The following RGL3 variants were observed in gnomAD, a reference collection of about 807,000 sequenced individuals.
RGL3 encodes ral guanine nucleotide dissociation stimulator like 3.
A neutral mutation model predicts 90.6 loss-of-function variants in RGL3; 85 were observed. The observed-to-expected ratio is 0.94, with a 90% CI of 0.79 to 1.12. The LOEUF is 1.12. RGL3 is among the 50% of genes most tolerant of loss of function. RGL3 has a pLI of 0.00. For synonymous variants in RGL3, 408 were observed against 385.5 expected (o/e 1.06, Z -0.68); for missense variants, 1,034 against 939.2 (o/e 1.10, Z -1.32).
Position 11,397,369 on chromosome 19 carries a change from G to T in RGL3, c.1900-11C>A, listed in dbSNP as rs1354170510. Reference sequence around the variant, plus strand: ...GTCCTGACTGGTCAGCTGGAAGAGAGGGGCGGGAGGTGAGGTGAGGGCCCC... The same window carrying T: ...GTCCTGACTGGTCAGCTGGAAGAGATGGGCGGGAGGTGAGGTGAGGGCCCC... On this transcript the variant is annotated splice_polypyrimidine_tract_variant and intron_variant, in intron 17 of 18. Coordinates refer to ENST00000380456, the MANE Select transcript of RGL3 (RefSeq NM_001035223.4). 2 of 1,593,596 alleles carry T rather than the reference G, an allele frequency of 1.3e-6. No homozygotes were observed. Among genetic ancestry groups the T allele is most frequent in the South Asian group, 2.3e-5 (2 of 87,564 alleles).
chr19:11,404,797 G>C (rs564164311), intron 9 of RGL3, among the ~76,000 whole-genome samples: 1 of 152,254 alleles, frequency 6.6e-6, no homozygotes, highest in African/African-American at 2.4e-5. Context: ...CTATAAATAA[G>C]CCAGACTTTT....
chr19:11,401,933 G>A lies in RGL3; in HGVS notation c.1484+78C>T, dbSNP rs940028939. 2.7e-6 allele frequency: 4 copies of A among 1,492,754 alleles called. No homozygotes were observed. The South Asian group carries it at 5.4e-5, about 20-fold the overall frequency. The allele number at this position is 1,492,754 out of a possible 1,614,324, so 92.5% of individuals were successfully genotyped here. ...GGGGGTCTTGGGAGGAGCTGGAGGT[G>A]TGTATGGAGTGGGTGGAATCCAGTT... On this transcript the variant is annotated intron_variant, in intron 13 of 18. Coordinates refer to ENST00000380456, the MANE Select transcript of RGL3 (RefSeq NM_001035223.4).
intron 18 of RGL3, among the ~76,000 whole-genome samples, chr19:11,396,136 C>CTCTCTATATATA (rs1367805487): frequency 1.1e-4 from 2 of 17,902 alleles, no homozygotes; most frequent in African/African-American, 3.8e-4. Flanking sequence ...CTCTCTCTCT[C>CTCTCTATATATA]TATATATATA....
Position 11,397,571 on chromosome 19 carries a change from G to A in RGL3, c.1773C>T (p.Ser591=), listed in dbSNP as rs568216829. ...CCAGAGGCAAAGCGAAGGGCCGGGG[G>A]CTGGGCAGGTCCAGGCTCAGGGGCA... ...TKLPLSLDLP[S]PRPFALPLGS... Residue 591 remains serine, a synonymous_variant, in exon 17 of 19, where the codon AGC becomes AGT. Coordinates refer to ENST00000380456, the MANE Select transcript of RGL3 (RefSeq NM_001035223.4). 2.0e-4 allele frequency: 309 copies of A among 1,583,830 alleles called. No individual in the cohort carries two copies. The highest frequency in any genetic ancestry group is 2.5e-4 in the Non-Finnish European group (286 of 1,164,278).
chr19:11,405,361 G>A lies in RGL3; in HGVS notation c.1062C>T (p.Pro354=), dbSNP rs761638767. Residue 354 remains proline, a synonymous_variant, in exon 8 of 19, where the codon CCC becomes CCT. Transcript: ENST00000380456. ...RAILSALQSN[P]IYRLKRSWGA... The stretch of plus-strand genomic sequence containing the variant: ...CCCAGCTGCGCTTGAGCCGGTAGAT[G>A]GGGTTAGATTGCAGGGCGGACAGGA... 2.5e-6 allele frequency: 4 copies of A among 1,612,486 alleles called. No individual in the cohort carries two copies. The highest frequency in any genetic ancestry group is 1.3e-5 in the African/African-American group (1 of 74,888).
At chr19:11,406,369 C>A in intron 7 of RGL3, 50 bp downstream of exon 7, 1 of 1,497,332 alleles carries the variant, frequency 6.7e-7, no homozygotes, top group South Asian at 1.2e-5. Context: ...CATTTTTTCC[C>A]CTTGCCCCAG....
intron 5 of RGL3, among the ~76,000 whole-genome samples, chr19:11,415,485 T>G (rs1038099800): frequency 6.6e-6 from 1 of 152,178 alleles, no homozygotes; most frequent in Non-Finnish European, 1.5e-5. Context: ...AGAATTTGTT[T>G]TTTTTTTTAG....
At chr19:11,394,610 G>A in intron 18 of RGL3, 90 bp from the exon 19 acceptor site, 4 of 922,984 alleles carry the variant, frequency 4.3e-6, no homozygotes, top group East Asian at 2.4e-5. Flanking sequence ...ACTCACCCGC[G>A]AACCTGAACA....
In RGL3 at chr19:11,416,166, G is replaced by T. The variant is rs201053340; in HGVS notation, c.426-18C>A. On this transcript the variant is annotated intron_variant, in intron 4 of 18. Coordinates refer to ENST00000380456, the MANE Select transcript of RGL3 (RefSeq NM_001035223.4). ...CCACAGCCCTGGCCAGAGAGGCAGG[G>T]TCTCAGAGCTGGGTCCAGAGTGGGG... The T allele has an allele frequency of 9.8e-3, 14,892 of 1,512,782 alleles. 96 individuals are homozygous for T. Among genetic ancestry groups the T allele is most frequent in the Non-Finnish European group, 0.012 (13,614 of 1,133,524 alleles). 93.7% of individuals were successfully genotyped at this position (1,512,782 alleles called of 1,614,324 possible).
intron 13 of RGL3, 64 bp from the exon 14 acceptor site, chr19:11,400,361 G>C: frequency 1.4e-6 from 2 of 1,389,288 alleles, no homozygotes; most frequent in East Asian, 2.6e-5. Context: ...AGAGATAAGA[G>C]TTGGAATCAG....
rs1419950017 is a variant in RGL3, at chr19:11,397,455, C to T, written c.1889G>A (p.Arg630Gln). ...SIDNDHGNLY[R>Q]SILLTSQDKA... ...AGCCCAGCCCCTCACCAAGATGCTT[C>T]GATACAGGTTCCCGTGGTCATTGTC... Residue 630 changes from arginine to glutamine, a missense_variant, in exon 17 of 19, where the codon CGA becomes CAA. Arg to Gln is a conservative substitution (Grantham distance 43). Transcript: ENST00000380456. The T allele has an allele frequency of 1.9e-6, 3 of 1,608,408 alleles. No individual in the cohort carries two copies. Among genetic ancestry groups the T allele is most frequent in the African/African-American group, 2.7e-5 (2 of 74,984 alleles).
At chr19:11,409,963 G>A (rs941096748) in intron 5 of RGL3, among the ~76,000 whole-genome samples, 1 of 151,574 alleles carries the variant, frequency 6.6e-6, no homozygotes. Flanking sequence ...TTTTGTGATG[G>A]AGTCTTGCTC....
Position 11,409,467 on chromosome 19 carries a change from C to T in RGL3, c.638-2603G>A, listed in dbSNP as rs534885184. ...CTGCACTCCAGCCTGGGCGACAGAG[C>T]GAGACTCCATCTCAAAAAACAAAAC... On this transcript the variant is annotated intron_variant, in intron 5 of 18. Coordinates refer to ENST00000380456, the MANE Select transcript of RGL3 (RefSeq NM_001035223.4). Among the ~76,000 whole-genome samples, 18 of 151,774 alleles carry T rather than the reference C, an allele frequency of 1.2e-4. No homozygotes were observed. The South Asian group carries it at 1.3e-3, about 11-fold the overall frequency.
At position 11,400,322 on chromosome 19, in the gene RGL3, G is replaced by A. The variant is rs10424035; in HGVS notation, c.1485-25C>T. 0.021 allele frequency: 31,623 copies of A among 1,541,406 alleles called. 1,942 individuals carry two copies. In the African/African-American group the frequency reaches 0.22, roughly 11 times the overall value. On this transcript the variant is annotated intron_variant, in intron 13 of 18. Coordinates refer to ENST00000380456, the MANE Select transcript of RGL3 (RefSeq NM_001035223.4). The stretch of plus-strand genomic sequence containing the variant: ...GCTGAGGGGTCAATATGTGGATGAG[G>A]TGGTGGGGGCAGGAAATACAGGGGA...
intron 9 of RGL3, among the ~76,000 whole-genome samples, chr19:11,404,346 G>A (rs1968731841): frequency 6.6e-6 from 1 of 151,560 alleles, no homozygotes; most frequent in South Asian, 2.1e-4. Flanking sequence ...TGGCCAACAC[G>A]GCAAAACCCC....
chr19:11,402,603 C>T (rs1392975690), intron 10 of RGL3, 47 bp downstream of exon 10: 39 of 1,612,740 alleles, frequency 2.4e-5, no homozygotes, highest in Non-Finnish European at 3.2e-5. Flanking sequence ...ATCCACAACC[C>T]TCCCTGAAGG....
At chr19:11,406,397 C>G in intron 7 of RGL3, 22 bp downstream of exon 7, 1 of 1,523,670 alleles carries the variant, frequency 6.6e-7, no homozygotes. Context: ...CCCCGCATCC[C>G]CTCTCCGCGC....
chr19:11,400,887 AT>A (rs1427947089), intron 13 of RGL3, among the ~76,000 whole-genome samples: 3 of 151,078 alleles, frequency 2.0e-5, no homozygotes, highest in African/African-American at 4.9e-5. Context: ...AAATAAATAA[AT>A]AAATAAATAA....
intron 16 of RGL3, among the ~76,000 whole-genome samples, chr19:11,399,542 C>T (rs1968634786): frequency 6.6e-6 from 1 of 152,050 alleles, no homozygotes; most frequent in Non-Finnish European, 1.5e-5. Flanking sequence ...GCACTTCAGC[C>T]TGGGTGACAG....
Sources: allele counts gnomAD v4.1 joint callset (sites outside exome capture counted in the v4.1 genomes callset), GRCh38; gene constraint gnomAD v4.1.1; transcripts MANE v1.5; gene names NCBI Gene and HGNC (gene_info 2026-07-23, HGNC 2026-07-21).